The following CNGB3 variants were observed in gnomAD, a reference collection of about 807,000 sequenced individuals.
CNGB3 encodes cyclic nucleotide-gated channel beta-3.
Under a neutral mutation model 92.8 loss-of-function variants are expected in CNGB3, and 86 were observed. The ratio of observed to expected loss-of-function variants is 0.93; its 90% CI spans 0.78 to 1.11. The LOEUF (loss-of-function observed/expected upper bound fraction) is 1.11, where lower values mean the gene tolerates loss of function less well. Ranked by LOEUF, CNGB3 falls within the 50% of genes least tolerant of loss-of-function variation. The probability of loss-of-function intolerance (pLI) is 0.00; values close to 1 mark genes in which losing one functional copy is unlikely to be tolerated. For missense variants in CNGB3, 1,026 were observed against 956.8 expected, an observed-to-expected ratio of 1.07 and a Z score of -0.95; for synonymous variants, 333 against 332.7, an observed-to-expected ratio of 1.00 and a Z score of -0.01.
intron 6 of CNGB3, among the ~76,000 whole-genome samples, chr8:86,662,504 T>G (rs76470868): frequency 2.6e-5 from 4 of 152,304 alleles, no homozygotes; most frequent in African/African-American, 9.6e-5. Context: ...GACAATCAAT[T>G]GTGTATTTTC....
rs1049785148 is a variant in CNGB3 at position 86,660,765 on chromosome 8, C to T, written c.852+6160G>A. ...GAGAGAACAGGTAACACCACTCAAA[C>T]AAATGGAGGATAAAATGGAAAATTG... On this transcript the variant is annotated intron_variant, in intron 6 of 17. Coordinates refer to ENST00000320005, the MANE Select transcript of CNGB3 (RefSeq NM_019098.5). The T allele has an allele frequency of 5.7e-6, 3 of 522,762 alleles. No homozygotes were observed. The African/African-American group carries it at 5.8e-5, about 10-fold the overall frequency. 32.4% of individuals were successfully genotyped at this position (522,762 alleles called of 1,614,324 possible). A position where few individuals can be genotyped will look rare whatever the true frequency, so the allele number is the denominator to read the frequency against.
Position 86,593,904 on chromosome 8 carries a change from C to T in CNGB3, c.1781+10189G>A, listed in dbSNP as rs538260922. 5.1e-4 allele frequency: 309 copies of T among 602,916 alleles called. 1 individual carries two copies. Among genetic ancestry groups the T allele is most frequent in the Non-Finnish European group, 8.3e-5 (27 of 326,394 alleles). The allele number at this position is 602,916 out of a possible 1,614,324, so 37.3% of individuals were successfully genotyped here. On this transcript the variant is annotated intron_variant, in intron 15 of 17. Transcript: ENST00000320005. ...TGCTTGCTGCACCACTGCTGGTAGT[C>T]ACCGCCTGTGTGCCAGGGGCAGAAG...
At chr8:86,688,015 G>A (rs1329054051) in intron 3 of CNGB3, among the ~76,000 whole-genome samples, 1 of 151,912 alleles carries the variant, frequency 6.6e-6, no homozygotes, top group Non-Finnish European at 1.5e-5. Flanking sequence ...GAATTATCAG[G>A]CAACCTTCAA....
At chr8:86,658,763 G>A in intron 6 of CNGB3, 2 of 511,322 alleles carry the variant, frequency 3.9e-6, no homozygotes, top group South Asian at 4.8e-5. Context: ...TCAGCTTCAT[G>A]AAGCCAGTCT....
At chr8:86,598,475 G>C (rs912759321) in intron 15 of CNGB3, among the ~76,000 whole-genome samples, 1 of 152,058 alleles carries the variant, frequency 6.6e-6, no homozygotes, top group Non-Finnish European at 1.5e-5. Flanking sequence ...TAAATAATTT[G>C]GTATTGTATT....
chr8:86,624,342 C>T (rs1275133358), intron 13 of CNGB3, among the ~76,000 whole-genome samples: 3 of 152,168 alleles, frequency 2.0e-5, no homozygotes, highest in East Asian at 1.9e-4. Context: ...TCACTTGAAC[C>T]CGGGAGGCAG....
intron 15 of CNGB3, chr8:86,593,969 G>A (rs909247057): frequency 4.1e-6 from 2 of 482,684 alleles, no homozygotes; most frequent in Middle Eastern, 5.8e-4. Context: ...CAGTGGGAGC[G>A]AGAACTTGTT....
chr8:86,688,539 A>AT (rs1273462233), intron 3 of CNGB3, among the ~76,000 whole-genome samples: 1 of 151,784 alleles, frequency 6.6e-6, no homozygotes, highest in Non-Finnish European at 1.5e-5. Context: ...ATTTTATTTT[A>AT]TTTTTTTGAG....
intron 15 of CNGB3, among the ~76,000 whole-genome samples, chr8:86,591,263 A>T (rs1439450143): frequency 2.7e-5 from 4 of 145,468 alleles, no homozygotes; most frequent in Non-Finnish European, 4.5e-5. Context: ...CAAAGTTTTC[A>T]ACTTCTTTGC....
At chr8:86,614,768 A>G (rs1345934584) in intron 13 of CNGB3, among the ~76,000 whole-genome samples, 1 of 152,152 alleles carries the variant, frequency 6.6e-6, no homozygotes, top group Admixed American at 6.5e-5. Context: ...CCACCTAGGC[A>G]TGAGGTTGCC....
At chr8:86,716,608 T>G (rs1354062368) in intron 3 of CNGB3, among the ~76,000 whole-genome samples, 2 of 152,102 alleles carry the variant, frequency 1.3e-5, no homozygotes, top group African/African-American at 4.8e-5. Context: ...AAATTTCGTA[T>G]CCAGTGAAAC....
At chr8:86,625,591 T>C (rs572116015) in intron 13 of CNGB3, among the ~76,000 whole-genome samples, 65 of 152,292 alleles carry the variant, frequency 4.3e-4, no homozygotes, top group African/African-American at 1.3e-3. Context: ...CATGATTAGG[T>C]ATAATTCTCT....
chr8:86,626,907 A>C (rs1196507498), intron 12 of CNGB3, among the ~76,000 whole-genome samples: 1 of 151,900 alleles, frequency 6.6e-6, no homozygotes, highest in Non-Finnish European at 1.5e-5. Context: ...TTATACGGTA[A>C]ACTCATGTCA....
At chr8:86,652,221 A>G (rs1823418103) in intron 7 of CNGB3, among the ~76,000 whole-genome samples, 1 of 152,006 alleles carries the variant, frequency 6.6e-6, no homozygotes, top group Non-Finnish European at 1.5e-5. Flanking sequence ...TACGAAAGAT[A>G]AAAAATGGTA....
At chr8:86,711,457 A>G (rs945092265) in intron 3 of CNGB3, among the ~76,000 whole-genome samples, 1 of 152,184 alleles carries the variant, frequency 6.6e-6, no homozygotes, top group Non-Finnish European at 1.5e-5. Context: ...CAATATAGTA[A>G]TTGTCCAATT....
chr8:86,660,792 C>T (rs1823626107), intron 6 of CNGB3: 6 of 505,728 alleles, frequency 1.2e-5, no homozygotes, highest in Admixed American at 2.0e-5. Context: ...GGAAAATTGT[C>T]CTGCTACCCT....
intron 15 of CNGB3, chr8:86,594,327 A>T (rs926169912): frequency 3.1e-6 from 1 of 321,478 alleles, no homozygotes; most frequent in African/African-American, 2.2e-5. Context: ...CCTGAGTCTG[A>T]TTCGTCCACC....
chr8:86,596,957 A>G (rs924143162), intron 15 of CNGB3, among the ~76,000 whole-genome samples: 4 of 151,800 alleles, frequency 2.6e-5, no homozygotes, highest in Non-Finnish European at 5.9e-5. Context: ...GTTCTCACTC[A>G]TAAGTGGGAG....
At chr8:86,683,153 A>T (rs1242611616) in intron 3 of CNGB3, among the ~76,000 whole-genome samples, 2 of 152,184 alleles carry the variant, frequency 1.3e-5, no homozygotes, top group East Asian at 3.9e-4. Context: ...TAAAGAATTA[A>T]CAGCACCTAA....
Sources: gnomAD v4.1 joint callset for allele counts (sites outside exome capture counted in the v4.1 genomes callset) on GRCh38, gnomAD v4.1.1 for gene constraint, MANE v1.5 for transcripts, NCBI Gene and HGNC (gene_info 2026-07-23, HGNC 2026-07-21) for gene names.